Variants in MALRD1 observed in about 807,000 individuals in gnomAD.
MALRD1 encodes the protein MAM and LDL receptor class A domain containing 1.
A neutral mutation model predicts 242.1 loss-of-function variants in MALRD1; 247 were observed. The observed-to-expected ratio is 1.02, with a 90% CI of 0.92 to 1.13. The LOEUF is 1.13. Among genes scored for constraint, MALRD1 ranks in the 50% most tolerant of loss-of-function variants. MALRD1 has a pLI of 0.00. For missense variants in MALRD1, 2,989 were observed against 2,533.1 expected (o/e 1.18, Z -3.86); for synonymous variants, 995 against 866.6 (o/e 1.15, Z -2.60).
intron 19 of MALRD1, among the ~76,000 whole-genome samples, chr10:19,272,611 A>G (rs1169381421): frequency 6.6e-6 from 1 of 152,134 alleles, no homozygotes; most frequent in East Asian, 1.9e-4. Context: ...GGTTTGCTGC[A>G]CCCATCAACC....
At chr10:19,293,816 C>G (rs1236624804) in intron 21 of MALRD1, among the ~76,000 whole-genome samples, 3 of 152,076 alleles carry the variant, frequency 2.0e-5, no homozygotes, top group Non-Finnish European at 4.4e-5. Flanking sequence ...AGCGTTATTA[C>G]CTGGAGGATG....
At chr10:19,175,782 A>G (rs35432267) in intron 14 of MALRD1, among the ~76,000 whole-genome samples, 29,041 of 151,728 alleles carry the variant, frequency 0.19, 3,020 homozygotes, top group Admixed American at 0.27. Flanking sequence ...AAAATTTAAA[A>G]CTGGACCTTA....
intron 14 of MALRD1, among the ~76,000 whole-genome samples, chr10:19,189,056 C>T (rs1005228225): frequency 2.0e-4 from 30 of 151,744 alleles, no homozygotes; most frequent in African/African-American, 6.8e-4. Context: ...GGGAGAGAGA[C>T]AGAGAGAGGG....
chr10:19,288,303 A>G (rs35005334), intron 21 of MALRD1, among the ~76,000 whole-genome samples: 18,382 of 152,062 alleles, frequency 0.12, 1,197 homozygotes, highest in South Asian at 0.15. Flanking sequence ...TTTGAGTTAC[A>G]AACAATCCAG....
At chr10:19,157,093 G>A (rs1316562121) in intron 12 of MALRD1, among the ~76,000 whole-genome samples, 1 of 152,028 alleles carries the variant, frequency 6.6e-6, no homozygotes, top group East Asian at 1.9e-4. Context: ...TTAGCAGGAA[G>A]GATATTTGAG....
At chr10:19,141,669 C>T (rs11008638) in intron 10 of MALRD1, among the ~76,000 whole-genome samples, 59,478 of 151,522 alleles carry the variant, frequency 0.39, 11,892 homozygotes, top group Admixed American at 0.46. Context: ...ATGATAGATA[C>T]ATCTTCAAAT....
intron 13 of MALRD1, among the ~76,000 whole-genome samples, chr10:19,168,058 A>AT (rs780303595): frequency 1.2e-4 from 19 of 152,204 alleles, no homozygotes; most frequent in Non-Finnish European, 2.6e-4. Context: ...CACTCAATAA[A>AT]TGTTAGTGTT....
intron 4 of MALRD1, among the ~76,000 whole-genome samples, chr10:19,096,512 C>T (rs1221819252): frequency 2.0e-5 from 3 of 152,202 alleles, no homozygotes; most frequent in East Asian, 1.9e-4. Flanking sequence ...CCAGCCTTTT[C>T]GGATTGCAGG....
intron 21 of MALRD1, among the ~76,000 whole-genome samples, chr10:19,316,178 T>G (rs1329535675): frequency 1.3e-5 from 2 of 151,714 alleles, no homozygotes; most frequent in East Asian, 1.9e-4. Flanking sequence ...GCTCTGCAGG[T>G]AAATATACAT....
intron 34 of MALRD1, among the ~76,000 whole-genome samples, chr10:19,607,333 G>A (rs1411808022): frequency 6.6e-6 from 1 of 152,108 alleles, no homozygotes; most frequent in Admixed American, 6.6e-5. Context: ...AGGCAGGTTT[G>A]GTGTCTCCTA....
chr10:19,681,405 T>C (rs1351532988), intron 36 of MALRD1, among the ~76,000 whole-genome samples: 1 of 152,164 alleles, frequency 6.6e-6, no homozygotes, highest in African/African-American at 2.4e-5. Context: ...TTCAGCAAGA[T>C]AGTCTTTACG....
At chr10:19,476,942 T>A (rs770759429) in intron 29 of MALRD1, among the ~76,000 whole-genome samples, 1 of 152,150 alleles carries the variant, frequency 6.6e-6, no homozygotes, top group Non-Finnish European at 1.5e-5. Flanking sequence ...AAAAAAATAT[T>A]TTCTACTGAA....
In MALRD1 at chr10:19,066,685, GTTGTGAAAACCAACT is replaced by G; in HGVS notation, c.200-31_200-17del. ...CTTATTTTTTAAAAAGCTAAACACAGTTGTGAAAACCAACTTTTCTTCTTTCTCATTAGGTTTGAA... is the reference window on the plus strand; with the variant it reads ...CTTATTTTTTAAAAAGCTAAACACAGTTTCTTCTTTCTCATTAGGTTTGAA... On this transcript the variant is annotated intron_variant, in intron 1 of 39. Coordinates refer to ENST00000454679, the MANE Select transcript of MALRD1 (RefSeq NM_001142308.3). 1 of 1,231,954 alleles carries G rather than the reference GTTGTGAAAACCAACT, an allele frequency of 8.1e-7. No individual in the cohort carries two copies. Among genetic ancestry groups the G allele is most frequent in the Non-Finnish European group, 1.0e-6 (1 of 986,498 alleles). 76.3% of individuals were successfully genotyped at this position (1,231,954 alleles called of 1,614,324 possible).
At chr10:19,195,401 T>C (rs1482902617) in intron 14 of MALRD1, among the ~76,000 whole-genome samples, 1 of 152,178 alleles carries the variant, frequency 6.6e-6, no homozygotes. Context: ...TCTTCACTAC[T>C]GTAGAAAACT....
chr10:19,387,014 G>T (rs1846109296), intron 26 of MALRD1, among the ~76,000 whole-genome samples: 1 of 152,108 alleles, frequency 6.6e-6, no homozygotes, highest in African/African-American at 2.4e-5. Flanking sequence ...AAAATCTGTT[G>T]TAGTGTCAGT....
intron 26 of MALRD1, among the ~76,000 whole-genome samples, chr10:19,368,889 G>T (rs148157457): frequency 8.1e-4 from 62 of 76,458 alleles, no homozygotes; most frequent in African/African-American, 3.6e-3. Flanking sequence ...GTGTGTGTGT[G>T]TTTGTGTGTG....
intron 36 of MALRD1, among the ~76,000 whole-genome samples, chr10:19,661,772 C>T (rs750061829): frequency 6.6e-6 from 1 of 151,950 alleles, no homozygotes; most frequent in Non-Finnish European, 1.5e-5. Context: ...TACCCTAAAA[C>T]TTAAAGTATA....
In MALRD1 at chr10:19,199,453, G is replaced by A. The variant is rs1410027137; in HGVS notation, c.1952-4275G>A. On this transcript the variant is annotated intron_variant, in intron 14 of 39. Transcript: ENST00000454679. ...GTTAGAATCATGACAATAATAATGA[G>A]CACTGAAAAATTACATGTCACTCCT... 3.3e-5 allele frequency among the ~76,000 whole-genome samples: 5 copies of A among 152,128 alleles called. No homozygotes were observed. The East Asian group carries it at 9.6e-4, about 29-fold the overall frequency.
At chr10:19,464,481 T>C (rs1836121483) in intron 29 of MALRD1, among the ~76,000 whole-genome samples, 1 of 152,090 alleles carries the variant, frequency 6.6e-6, no homozygotes, top group South Asian at 2.1e-4. Flanking sequence ...TTTCTCTAAT[T>C]TATGTTTTTG....
Sources: gnomAD v4.1 joint callset for allele counts (sites outside exome capture counted in the v4.1 genomes callset) on GRCh38, gnomAD v4.1.1 for gene constraint, MANE v1.5 for transcripts, NCBI Gene and HGNC (gene_info 2026-07-23, HGNC 2026-07-21) for gene names.